Variants in SH3GL1 observed in about 807,000 individuals in gnomAD.
The protein encoded by SH3GL1 is endophilin-A2.
In SH3GL1, 21 loss-of-function variants were observed where a neutral mutation model predicts 48.8. The observed-to-expected ratio is 0.43, with a 90% confidence interval of 0.30 to 0.62. SH3GL1 has a LOEUF of 0.62. Ranked by LOEUF, SH3GL1 falls within the 20% of genes least tolerant of loss-of-function variation. The pLI is 0.11. For missense variants in SH3GL1, 454 were observed against 503.0 expected (o/e 0.90, Z 0.93); for synonymous variants, 282 against 217.5 (o/e 1.30, Z -2.61).
chr19:4,375,874 C>T (rs541426984), intron 1 of SH3GL1, among the ~76,000 whole-genome samples: 2 of 152,350 alleles, frequency 1.3e-5, no homozygotes, highest in African/African-American at 4.8e-5. Flanking sequence ...GCTGGTGTTC[C>T]CACTGGGGGC....
chr19:4,381,786 G>A (rs541662566), intron 1 of SH3GL1, among the ~76,000 whole-genome samples: 111 of 142,772 alleles, frequency 7.8e-4, no homozygotes, highest in East Asian at 5.7e-3. Context: ...TCCACCTCCC[G>A]GGTTCACAAC....
At chr19:4,375,333 C>A (rs926407944) in intron 1 of SH3GL1, among the ~76,000 whole-genome samples, 4 of 152,238 alleles carry the variant, frequency 2.6e-5, no homozygotes, top group Non-Finnish European at 4.4e-5. Flanking sequence ...GGCCAGACAG[C>A]AGGAGTGGCT....
chr19:4,398,925 T>C (rs2144935127), intron 1 of SH3GL1, among the ~76,000 whole-genome samples: 1 of 152,294 alleles, frequency 6.6e-6, no homozygotes, highest in East Asian at 1.9e-4. Flanking sequence ...GTAGTAATGG[T>C]AACAGAAAAT....
intron 1 of SH3GL1, among the ~76,000 whole-genome samples, chr19:4,396,762 G>A (rs1032140581): frequency 1.3e-5 from 2 of 152,158 alleles, no homozygotes. Flanking sequence ...CTGGGCACCG[G>A]AGGATGTCCA....
At chr19:4,388,418 GA>G (rs1468375159) in intron 1 of SH3GL1, among the ~76,000 whole-genome samples, 25 of 152,242 alleles carry the variant, frequency 1.6e-4, no homozygotes, top group African/African-American at 5.8e-4. Context: ...CAGGTACAGA[GA>G]GGGGCAGCGG....
At chr19:4,383,680 G>A (rs553099982) in intron 1 of SH3GL1, among the ~76,000 whole-genome samples, 5 of 152,292 alleles carry the variant, frequency 3.3e-5, no homozygotes, top group Admixed American at 6.5e-5. Context: ...TGAGGAACAC[G>A]AGACGGCACT....
rs546709202 is a variant in SH3GL1 at position 4,360,784 on chromosome 19, C to T, written c.*816G>A. The stretch of plus-strand genomic sequence containing the variant: ...GCCCTCGGCAGCGCGGCTGTGGTCC[C>T]GTGTGAGGTGTGCTGGGGTGGGTGT... On this transcript the variant is annotated 3_prime_UTR_variant, in exon 10 of 10. Transcript: ENST00000269886. 2.6e-5 allele frequency: 6 copies of T among 233,700 alleles called. No homozygotes were observed. The highest frequency in any genetic ancestry group is 6.6e-5 in the African/African-American group (3 of 45,438). 14.5% of individuals were successfully genotyped at this position (233,700 alleles called of 1,614,324 possible).
At chr19:4,392,854 A>G (rs1263361639) in intron 1 of SH3GL1, among the ~76,000 whole-genome samples, 1 of 152,182 alleles carries the variant, frequency 6.6e-6, no homozygotes, top group East Asian at 1.9e-4. Flanking sequence ...GGGCAGGAGA[A>G]TCGCTTGAAC....
intron 7 of SH3GL1, among the ~76,000 whole-genome samples, 190 bp from the exon 8 acceptor site, chr19:4,362,926 C>G (rs1272338295): frequency 1.3e-5 from 2 of 152,152 alleles, no homozygotes; most frequent in East Asian, 1.9e-4. Flanking sequence ...AGCCTGGACC[C>G]CCACCTTGGA....
chr19:4,364,206 T>C lies in SH3GL1; in HGVS notation c.347A>G (p.Asp116Gly), dbSNP rs1972708390. 6.2e-7 allele frequency: 1 copy of C among 1,613,900 alleles called. No individual in the cohort carries two copies. Among genetic ancestry groups the C allele is most frequent in the Non-Finnish European group, 8.5e-7 (1 of 1,180,030 alleles). ...CAGGCGCTTCATGGACTCGCCGGCA[T>C]CCAGCAATGCGTCACCTGTGGAGAA... ...GESNFGDALLDAGESMKRLAE... is the reference protein window; with the variant it reads ...GESNFGDALLGAGESMKRLAE... The change falls in exon 5 of 10, where the codon GAT becomes GGT. Residue 116 changes from aspartate (D) to glycine (G), a missense_variant. Around this residue, in one of 2 missense-constraint regions of SH3GL1, gnomAD observed 176 missense variants for 256.2 expected, o/e 0.69. Coordinates refer to ENST00000269886, the MANE Select transcript of SH3GL1 (RefSeq NM_003025.4).
intron 8 of SH3GL1, 32 bp downstream of exon 8, chr19:4,362,580 T>G: frequency 6.2e-7 from 1 of 1,612,280 alleles, no homozygotes; most frequent in Non-Finnish European, 8.5e-7. Flanking sequence ...CGCTGGCATT[T>G]GCCTCCGCAA....
chr19:4,384,046 G>A (rs1482191466), intron 1 of SH3GL1, among the ~76,000 whole-genome samples: 2 of 152,208 alleles, frequency 1.3e-5, no homozygotes, highest in East Asian at 1.9e-4. Context: ...ATTTGCACAG[G>A]GAGCACGTGA....
At chr19:4,374,019 G>C (rs546173629) in intron 1 of SH3GL1, among the ~76,000 whole-genome samples, 16 of 152,382 alleles carry the variant, frequency 1.0e-4, no homozygotes, top group African/African-American at 3.4e-4. Flanking sequence ...GCTGGAGAAA[G>C]GACTCTCAGA....
intron 3 of SH3GL1, among the ~76,000 whole-genome samples, chr19:4,366,219 G>T (rs1025769863): frequency 6.6e-6 from 1 of 152,220 alleles, no homozygotes; most frequent in Non-Finnish European, 1.5e-5. Context: ...AGTAAGCTGG[G>T]GGAGAGGCTC....
intron 1 of SH3GL1, among the ~76,000 whole-genome samples, chr19:4,387,473 T>C (rs1973257522): frequency 6.6e-6 from 1 of 152,006 alleles, no homozygotes; most frequent in South Asian, 2.1e-4. Flanking sequence ...AATTTAATTT[T>C]TTGTACAGAC....
chr19:4,377,887 C>T (rs766021330), intron 1 of SH3GL1, among the ~76,000 whole-genome samples: 5 of 152,234 alleles, frequency 3.3e-5, no homozygotes, highest in Non-Finnish European at 7.3e-5. Flanking sequence ...GCAGCCTCTC[C>T]TGTCTGAAGA....
intron 1 of SH3GL1, among the ~76,000 whole-genome samples, chr19:4,397,663 G>A (rs1489399474): frequency 6.6e-6 from 1 of 152,188 alleles, no homozygotes. Flanking sequence ...CGCCTGCTGG[G>A]CAAGGTCTAA....
At chr19:4,374,206 G>A (rs141411718) in intron 1 of SH3GL1, among the ~76,000 whole-genome samples, 6 of 152,378 alleles carry the variant, frequency 3.9e-5, no homozygotes, top group East Asian at 1.9e-4. Context: ...ACTGGAAGCA[G>A]AGAGGGAATC....
At chr19:4,379,405 G>A (rs1264321610) in intron 1 of SH3GL1, among the ~76,000 whole-genome samples, 2 of 149,536 alleles carry the variant, frequency 1.3e-5, no homozygotes, top group African/African-American at 2.5e-5. Flanking sequence ...CTGCCTGGGT[G>A]ACAGCGCAAG....
Sources: gnomAD v4.1 joint callset for allele counts (sites outside exome capture counted in the v4.1 genomes callset) on GRCh38, gnomAD v4.1.1 for gene constraint, gnomAD v4.1.1 regional missense constraint, MANE v1.5 for transcripts, NCBI Gene and HGNC (gene_info 2026-07-23, HGNC 2026-07-21) for gene names.